TMEM63B: variants seen among roughly 807,000 people sequenced by gnomAD.
The protein encoded by TMEM63B is mechanosensitive cation channel TMEM63B.
A neutral mutation model predicts 102.6 loss-of-function variants in TMEM63B; 23 were observed. The observed-to-expected ratio is 0.22, with a 90% CI of 0.16 to 0.32. The LOEUF is 0.32. TMEM63B is among the 10% of genes least tolerant of loss of function. The probability of loss-of-function intolerance (pLI) is 1.00; values close to 1 mark genes in which losing one functional copy is unlikely to be tolerated. For missense variants in TMEM63B, 628 were observed against 1,095.9 expected, an observed-to-expected ratio of 0.57 and a Z score of 6.03; for synonymous variants, 444 against 437.0, an observed-to-expected ratio of 1.02 and a Z score of -0.20.
chr6:44,149,721 T>G, intron 15 of TMEM63B, 138 bp from the exon 16 acceptor site: 1 of 648,790 alleles, frequency 1.5e-6, no homozygotes, highest in East Asian at 2.8e-5. Context: ...ACCCCAGCCC[T>G]CCGGATGTTC....
Position 44,150,696 on chromosome 6 carries a change from C to G in TMEM63B, c.1673+67C>G. On this transcript the variant is annotated intron_variant, in intron 18 of 23. Coordinates refer to ENST00000323267, the MANE Select transcript of TMEM63B (RefSeq NM_018426.3). This position sits in a 1 kb window ranked among gnomAD's most constrained non-coding sequence, Gnocchi z 4.7. ...GGGTGGGTATGCTTGAGAGACATTGCCAGCCCCATGGGAGGGTGCAACAAA... is the reference window on the plus strand; with the variant it reads ...GGGTGGGTATGCTTGAGAGACATTGGCAGCCCCATGGGAGGGTGCAACAAA... 6.7e-7 allele frequency: 1 copy of G among 1,499,518 alleles called. No individual in the cohort carries two copies. Among genetic ancestry groups the G allele is most frequent in the Non-Finnish European group, 9.3e-7 (1 of 1,080,132 alleles). 92.9% of individuals were successfully genotyped at this position (1,499,518 alleles called of 1,614,324 possible).
Position 44,148,785 on chromosome 6 carries a change from T to C in TMEM63B, c.1260-7T>C. 1 of 1,614,104 alleles carries C rather than the reference T, an allele frequency of 6.2e-7. No individual in the cohort carries two copies. The highest frequency in any genetic ancestry group is 8.5e-7 in the Non-Finnish European group (1 of 1,180,000). ...TTCCTGGACTGACCGGTTCCCCACC[T>C]TGCCAGGGAGCACCTCTCCATCCGA... On this transcript the variant is annotated splice_polypyrimidine_tract_variant and splice_region_variant and intron_variant, in intron 14 of 23. Transcript: ENST00000323267. This position sits in a 1 kb window ranked among gnomAD's most constrained non-coding sequence, Gnocchi z 5.1.
chr6:44,144,186 G>GT (rs1764869511), intron 10 of TMEM63B, among the ~76,000 whole-genome samples: 1 of 152,196 alleles, frequency 6.6e-6, no homozygotes, highest in African/African-American at 2.4e-5. Context: ...TATACAAGCT[G>GT]TTGGGACAGG....
intron 6 of TMEM63B, chr6:44,139,030 C>T: frequency 4.0e-6 from 1 of 252,624 alleles, no homozygotes. Context: ...GCTGCCCCTC[C>T]TCCCATCCTT....
At position 44,152,036 on chromosome 6, in the gene TMEM63B, C is replaced by T. The variant is rs1052935001; in HGVS notation, c.1836+28C>T. 1.4e-5 allele frequency: 22 copies of T among 1,567,420 alleles called. No homozygotes were observed. The highest frequency in any genetic ancestry group is 1.1e-4 in the African/African-American group (8 of 72,844). On this transcript the variant is annotated intron_variant, in intron 19 of 23. Coordinates refer to ENST00000323267, the MANE Select transcript of TMEM63B (RefSeq NM_018426.3). The surrounding 1 kb of genome is among the most constrained non-coding windows in gnomAD (Gnocchi z 6.4). Reference sequence around the variant, plus strand: ...ACGGCCGCCTGGGGCAGCAGCGGCCCGCACAGCGCCCCCTGGTGGCCCAAC... The same window carrying T: ...ACGGCCGCCTGGGGCAGCAGCGGCCTGCACAGCGCCCCCTGGTGGCCCAAC...
In TMEM63B at chr6:44,138,547, AAGAG is replaced by A. The variant is rs759393516; in HGVS notation, c.407+34_407+37del. 2.4e-5 allele frequency: 38 copies of A among 1,613,686 alleles called. No individual in the cohort carries two copies. In the Middle Eastern group the frequency reaches 1.8e-3, roughly 77 times the overall value. On this transcript the variant is annotated intron_variant, in intron 6 of 23. Coordinates refer to ENST00000323267, the MANE Select transcript of TMEM63B (RefSeq NM_018426.3). The stretch of plus-strand genomic sequence containing the variant: ...GTGGACCATCTTCAAGCTCTAAAGA[AAGAG>A]AGAAACTTCAGAACCTGGCATCTCC...
chr6:44,149,995 G>T (rs774357238), intron 16 of TMEM63B, 30 bp downstream of exon 16: 9 of 1,589,792 alleles, frequency 5.7e-6, no homozygotes, highest in East Asian at 2.3e-5. Context: ...ACCACACCTC[G>T]CTGTGGCCTG....
At chr6:44,139,979 C>T (rs1483150546) in intron 8 of TMEM63B, among the ~76,000 whole-genome samples, 1 of 152,114 alleles carries the variant, frequency 6.6e-6, no homozygotes, top group Non-Finnish European at 1.5e-5. Flanking sequence ...TCTCAGGAAC[C>T]AGGGAGGGCC....
rs567458743 is a variant in TMEM63B, at chr6:44,139,256, C to T, written c.408-211C>T. On this transcript the variant is annotated intron_variant, in intron 6 of 23. Coordinates refer to ENST00000323267, the MANE Select transcript of TMEM63B (RefSeq NM_018426.3). ...CCCTCCCCTTCTCCATGCATTTCTC[C>T]TTTTTCTCCCTCCCCCTCTCTTCTC... Among the ~76,000 whole-genome samples, 4 of 151,936 alleles carry T rather than the reference C, an allele frequency of 2.6e-5. No homozygotes were observed. In the East Asian group the frequency reaches 7.7e-4, roughly 29 times the overall value.
intron 1 of TMEM63B, among the ~76,000 whole-genome samples, chr6:44,128,645 G>C (rs1274044675): frequency 2.0e-5 from 3 of 152,240 alleles, no homozygotes; most frequent in Non-Finnish European, 4.4e-5. Context: ...CACCGCCCTG[G>C]GGGGCTGGGG....
At position 44,152,174 on chromosome 6, in the gene TMEM63B, C is replaced by T. The variant is rs1312517568; in HGVS notation, c.1836+166C>T. On this transcript the variant is annotated intron_variant, in intron 19 of 23. Coordinates refer to ENST00000323267, the MANE Select transcript of TMEM63B (RefSeq NM_018426.3). This position sits in a 1 kb window ranked among gnomAD's most constrained non-coding sequence, Gnocchi z 6.4. The stretch of plus-strand genomic sequence containing the variant: ...ATCCCCTTCCCATATCTGGGGCCTT[C>T]GTATTCTGCCATGGGTGGACATAGG... Among the ~76,000 whole-genome samples, 4 of 152,130 alleles carry T rather than the reference C, an allele frequency of 2.6e-5. No individual in the cohort carries two copies. Among genetic ancestry groups the T allele is most frequent in the African/African-American group, 4.8e-5 (2 of 41,418 alleles).
chr6:44,153,129 CT>C (rs2128275980), intron 20 of TMEM63B, among the ~76,000 whole-genome samples: 1 of 152,372 alleles, frequency 6.6e-6, no homozygotes, highest in East Asian at 1.9e-4. Flanking sequence ...TGGAGATAGT[CT>C]GCTGTATCTG....
Position 44,139,692 on chromosome 6 carries a change from T to A in TMEM63B, c.551-16T>A, listed in dbSNP as rs1264530735. 1 of 1,614,106 alleles carries A rather than the reference T, an allele frequency of 6.2e-7. No homozygotes were observed. The highest frequency in any genetic ancestry group is 8.5e-7 in the Non-Finnish European group (1 of 1,180,006). On this transcript the variant is annotated splice_polypyrimidine_tract_variant and intron_variant, in intron 7 of 23. Transcript: ENST00000323267. ...CCTGACCCCACCATCATCCTCTCCC[T>A]CTTCCCACCCCACAGAGAACAATGC...
At position 44,147,367 on chromosome 6, in the gene TMEM63B, G is replaced by T. The variant is rs752431546; in HGVS notation, c.864-10G>T. The T allele has an allele frequency of 6.8e-6, 11 of 1,614,006 alleles. No homozygotes were observed. In the African/African-American group the frequency reaches 1.3e-4, roughly 20 times the overall value. On this transcript the variant is annotated splice_polypyrimidine_tract_variant and intron_variant, in intron 11 of 23. Transcript: ENST00000323267. ...CCAGATGTAGGTGACCAGGCATCTG[G>T]GTCCCACAGGAAGAAGGCCGAGCGG...
chr6:44,128,770 T>C (rs927359073), intron 1 of TMEM63B, among the ~76,000 whole-genome samples: 2 of 151,874 alleles, frequency 1.3e-5, no homozygotes, highest in African/African-American at 2.4e-5. Flanking sequence ...GGAGTGGGAG[T>C]GTCAGCCAGG....
intron 10 of TMEM63B, among the ~76,000 whole-genome samples, chr6:44,144,976 G>T (rs1765044161): frequency 2.6e-5 from 4 of 151,926 alleles, no homozygotes; most frequent in Admixed American, 2.6e-4. Flanking sequence ...TGCATGATCA[G>T]ATTTAAAAAC....
At chr6:44,138,959 GGCCTC>G (rs2128235549) in intron 6 of TMEM63B, 1 of 249,792 alleles carries the variant, frequency 4.0e-6, no homozygotes, top group East Asian at 9.6e-5. Context: ...CACTCCCCCA[GGCCTC>G]CCCCAAGGGT....
Position 44,152,594 on chromosome 6 carries a change from A to G in TMEM63B, c.1838A>G (p.His613Arg). 1 of 1,602,592 alleles carries G rather than the reference A, an allele frequency of 6.2e-7. No homozygotes were observed. Among genetic ancestry groups the G allele is most frequent in the South Asian group, 1.1e-5 (1 of 90,806 alleles). ...SAAERRNVKR[H>R]QAYEFQFGAA... ...TCCTCCTGCCCGTCTCCCCCCCAGC[A>G]TCAGGCCTACGAGTTCCAGTTTGGC... Residue 613 changes from histidine (H) to arginine (R), a missense_variant and splice_region_variant, in exon 20 of 24, where the codon CAT becomes CGT. Transcript: ENST00000323267. This position sits in a 1 kb window ranked among gnomAD's most constrained non-coding sequence, Gnocchi z 6.4.
rs757870311 is a variant in TMEM63B at position 44,148,962 on chromosome 6, CT to C, written c.1413+18del. The C allele has an allele frequency of 2.5e-6, 4 of 1,614,084 alleles. No individual in the cohort carries two copies. The highest frequency in any genetic ancestry group is 2.2e-5 in the East Asian group (1 of 44,878). On this transcript the variant is annotated intron_variant, in intron 15 of 23. Transcript: ENST00000323267. This position sits in a 1 kb window ranked among gnomAD's most constrained non-coding sequence, Gnocchi z 5.1. Reference sequence around the variant, plus strand: ...TACCTCAACGTGAGGCCTCATGCCCCTGTCACTTTCCACGCTGGGTCACAAC... The same window carrying C: ...TACCTCAACGTGAGGCCTCATGCCCCGTCACTTTCCACGCTGGGTCACAAC...
Sources: gnomAD v4.1 joint callset for allele counts (sites outside exome capture counted in the v4.1 genomes callset) on GRCh38, gnomAD v4.1.1 for gene constraint, Gnocchi (gnomAD v3.1) non-coding constraint, MANE v1.5 for transcripts, NCBI Gene and HGNC (gene_info 2026-07-23, HGNC 2026-07-21) for gene names.